BICC1: variants seen among roughly 807,000 people sequenced by gnomAD.
BICC1 encodes the protein protein bicaudal C homolog 1.
A neutral mutation model predicts 111.0 loss-of-function variants in BICC1; 43 were observed. That is an observed-to-expected ratio of 0.39 (90% confidence interval 0.30 to 0.50). The LOEUF is 0.50. Among genes scored for constraint, BICC1 ranks in the 20% least tolerant of loss-of-function variants. The pLI is 0.88. For missense variants in BICC1, 1,091 were observed against 1,203.2 expected, an observed-to-expected ratio of 0.91 and a Z score of 1.38; for synonymous variants, 467 against 434.4, an observed-to-expected ratio of 1.07 and a Z score of -0.93.
chr10:58,573,697 G>T (rs1334048135), intron 1 of BICC1, among the ~76,000 whole-genome samples: 2 of 152,118 alleles, frequency 1.3e-5, no homozygotes, highest in Non-Finnish European at 2.9e-5. Context: ...TCTAATGTCA[G>T]TGAGGTGCCT....
Position 58,830,336 on chromosome 10 carries a change from G to A in BICC1, c.*1445G>A, listed in dbSNP as rs1382408250. ...TTCTTCAAAGCAATATTATTTCCAA[G>A]TATATTAATTTGTTAGAAAACTTTC... On this transcript the variant is annotated 3_prime_UTR_variant, in exon 21 of 21. Coordinates refer to ENST00000373886, the MANE Select transcript of BICC1 (RefSeq NM_001080512.3). The A allele has an allele frequency of 6.6e-6, 1 of 152,014 alleles. No individual in the cohort carries two copies. The highest frequency in any genetic ancestry group is 2.4e-5 in the African/African-American group (1 of 41,396). The allele number at this position is 152,014 out of a possible 1,614,324, so 9.4% of individuals were successfully genotyped here.
In BICC1 at chr10:58,601,140, TTATA is replaced by T. The variant is rs71033690; in HGVS notation, c.191-19687_191-19684del. Among the ~76,000 whole-genome samples, 20 of 100,664 alleles carry T rather than the reference TTATA, an allele frequency of 2.0e-4. 1 individual carries two copies. Among genetic ancestry groups the T allele is most frequent in the African/African-American group, 2.9e-4 (8 of 27,342 alleles). The allele number at this position is 100,664 out of a possible 152,430, so 66.0% of individuals were successfully genotyped here. On this transcript the variant is annotated intron_variant, in intron 1 of 20. Coordinates refer to ENST00000373886, the MANE Select transcript of BICC1 (RefSeq NM_001080512.3). ...ACTTTTTAGGCAGTCATTTTAAAAC[TTATA>T]TATATATATATATATATATATATAT...
In BICC1 at chr10:58,612,880, C is replaced by T. The variant is rs1180118714; in HGVS notation, c.191-7975C>T. ...AAAAGGATATTTAAACAGAAGTTTC[C>T]ATGTGCCCCAGGAAGAATTTAAAGT... On this transcript the variant is annotated intron_variant, in intron 1 of 20. Transcript: ENST00000373886. Among the ~76,000 whole-genome samples the T allele has an allele frequency of 2.6e-5, 4 of 152,100 alleles. No individual in the cohort carries two copies. The South Asian group carries it at 6.2e-4, about 24-fold the overall frequency.
At chr10:58,796,648 C>G (rs1843364419) in intron 10 of BICC1, 122 bp downstream of exon 10, 1 of 930,520 alleles carries the variant, frequency 1.1e-6, no homozygotes. Flanking sequence ...GCTCTAAGAT[C>G]AGATGAAAAG....
intron 2 of BICC1, among the ~76,000 whole-genome samples, chr10:58,622,232 C>A (rs1294446628): frequency 1.3e-5 from 2 of 152,012 alleles, no homozygotes; most frequent in African/African-American, 4.8e-5. Context: ...ATAGATTTCC[C>A]TTGGGTTGGC....
chr10:58,667,835 T>C (rs1839064386), intron 2 of BICC1, among the ~76,000 whole-genome samples: 1 of 152,032 alleles, frequency 6.6e-6, no homozygotes, highest in South Asian at 2.1e-4. Flanking sequence ...TGCTCCTAAC[T>C]CATAGCTAGG....
intron 1 of BICC1, among the ~76,000 whole-genome samples, chr10:58,521,042 T>G (rs1016696351): frequency 2.0e-5 from 3 of 152,154 alleles, no homozygotes; most frequent in African/African-American, 7.2e-5. Flanking sequence ...CGTTGAATCA[T>G]AAGTATTTTC....
chr10:58,562,233 C>A (rs544582629), intron 1 of BICC1, among the ~76,000 whole-genome samples: 1 of 152,018 alleles, frequency 6.6e-6, no homozygotes, highest in East Asian at 1.9e-4. Context: ...TCCTATAATG[C>A]GAAAATATGT....
chr10:58,735,966 G>A (rs898083603), intron 3 of BICC1, among the ~76,000 whole-genome samples: 1 of 152,110 alleles, frequency 6.6e-6, no homozygotes, highest in Admixed American at 6.6e-5. Flanking sequence ...AGTTTCCCTT[G>A]AGCCCCATTT....
intron 2 of BICC1, among the ~76,000 whole-genome samples, chr10:58,698,626 A>G (rs1049757241): frequency 2.6e-5 from 4 of 152,132 alleles, no homozygotes; most frequent in African/African-American, 9.7e-5. Context: ...GAGCTCCTGC[A>G]AGGTAGGAAT....
chr10:58,736,003 G>A (rs553319261), intron 3 of BICC1, among the ~76,000 whole-genome samples: 56 of 152,084 alleles, frequency 3.7e-4, no homozygotes, highest in Non-Finnish European at 6.2e-4. Flanking sequence ...GTTTTATCAG[G>A]CAAAAAAGTA....
chr10:58,804,266 A>G (rs1332566507), intron 15 of BICC1, among the ~76,000 whole-genome samples: 1 of 152,186 alleles, frequency 6.6e-6, no homozygotes, highest in Non-Finnish European at 1.5e-5. Context: ...CTATATTCTC[A>G]GCACTTTCAG....
chr10:58,591,344 C>T (rs1036681892), intron 1 of BICC1, among the ~76,000 whole-genome samples: 6 of 152,118 alleles, frequency 3.9e-5, no homozygotes, highest in African/African-American at 9.7e-5. Flanking sequence ...TAGTCCATTC[C>T]GGCTGCTATA....
intron 1 of BICC1, among the ~76,000 whole-genome samples, chr10:58,574,596 C>T: frequency 6.6e-6 from 1 of 151,902 alleles, no homozygotes; most frequent in East Asian, 1.9e-4. Flanking sequence ...GATTTCAAGC[C>T]CCTTTTACAT....
At chr10:58,512,270 C>T (rs1377386097), upstream of BICC1, among the ~76,000 whole-genome samples, 1 of 152,146 alleles carries the variant, frequency 6.6e-6, no homozygotes, top group Non-Finnish European at 1.5e-5. Context: ...GGTTTGAGCC[C>T]TTCCTGGAGG....
intron 3 of BICC1, among the ~76,000 whole-genome samples, chr10:58,765,595 CT>C: frequency 6.6e-6 from 1 of 152,304 alleles, no homozygotes; most frequent in East Asian, 1.9e-4. Flanking sequence ...AACATGTGCC[CT>C]GTCAAGACGG....
chr10:58,655,198 A>C (rs990669804), intron 2 of BICC1, among the ~76,000 whole-genome samples: 3 of 145,272 alleles, frequency 2.1e-5, no homozygotes, highest in African/African-American at 7.5e-5. Context: ...ACTTTAAAGT[A>C]GTTTTTTCCA....
chr10:58,538,081 A>G (rs1299037299), intron 1 of BICC1, among the ~76,000 whole-genome samples: 4 of 151,990 alleles, frequency 2.6e-5, no homozygotes, highest in African/African-American at 9.7e-5. Flanking sequence ...ATTCCTATCA[A>G]AATAACCAAC....
intron 1 of BICC1, among the ~76,000 whole-genome samples, chr10:58,513,883 CG>C (rs1842170424): frequency 6.6e-6 from 1 of 152,274 alleles, no homozygotes; most frequent in South Asian, 2.1e-4. Flanking sequence ...GGGCCAGGAT[CG>C]GGGTGAGCAG....
Sources: gnomAD v4.1 joint callset for allele counts (sites outside exome capture counted in the v4.1 genomes callset) on GRCh38, gnomAD v4.1.1 for gene constraint, MANE v1.5 for transcripts, NCBI Gene and HGNC (gene_info 2026-07-23, HGNC 2026-07-21) for gene names.